The following MTF1 variants were observed in gnomAD, a reference collection of about 807,000 sequenced individuals.
The protein encoded by MTF1 is MRE-binding transcription factor.
A neutral mutation model predicts 70.4 loss-of-function variants in MTF1; 22 were observed. The observed-to-expected ratio is 0.31, with a 90% CI of 0.22 to 0.45. The LOEUF (loss-of-function observed/expected upper bound fraction) is 0.45, where lower values mean the gene tolerates loss of function less well. Ranked by LOEUF, MTF1 falls within the 20% of genes least tolerant of loss-of-function variation. The pLI, the probability that MTF1 is intolerant of heterozygous loss-of-function variation, is 1.00. For synonymous variants in MTF1, 333 were observed against 352.8 expected (o/e 0.94, Z 0.63); for missense variants, 649 against 922.0 (o/e 0.70, Z 3.83).
chr1:37,822,101 T>G lies in MTF1; in HGVS notation c.1767+20A>C. 2 of 1,547,750 alleles carry G rather than the reference T, an allele frequency of 1.3e-6. No homozygotes were observed. The highest frequency in any genetic ancestry group is 1.8e-6 in the Non-Finnish European group (2 of 1,138,060). ...TAAATACACTTCACCCCACTGGGTA[T>G]ATTCATACATAATACTTACAATTTG... On this transcript the variant is annotated intron_variant, in intron 9 of 10. Transcript: ENST00000373036.
intron 2 of MTF1, among the ~76,000 whole-genome samples, chr1:37,854,885 C>T (rs922843625): frequency 6.6e-6 from 1 of 152,242 alleles, no homozygotes; most frequent in East Asian, 1.9e-4. Context: ...CATGGAGAAA[C>T]CCTGTCTCTA....
In MTF1 at chr1:37,822,708, T is replaced by C; in HGVS notation, c.1180A>G (p.Thr394Ala). 6.2e-7 allele frequency: 1 copy of C among 1,606,920 alleles called. No homozygotes were observed. Among genetic ancestry groups the C allele is most frequent in the African/African-American group, 1.3e-5 (1 of 74,842 alleles). Reference sequence around the variant, plus strand: ...TCTGCATCACCATTAAAACTTTCAGTCAAGGAAGCTGGCAAGAAAAAGAAA... The same window carrying C: ...TCTGCATCACCATTAAAACTTTCAGCCAAGGAAGCTGGCAAGAAAAAGAAA... ...QEDPQQTASL[T>A]ESFNGDAESV... The change falls in exon 9 of 11, where the codon ACT becomes GCT. Residue 394 changes from threonine (T) to alanine (A), a missense_variant. By Grantham distance (58) the Thr-to-Ala change is moderately conservative. Coordinates refer to ENST00000373036, the MANE Select transcript of MTF1 (RefSeq NM_005955.3).
chr1:37,833,916 T>A (rs1416751422), intron 6 of MTF1, among the ~76,000 whole-genome samples: 1 of 151,978 alleles, frequency 6.6e-6, no homozygotes, highest in Non-Finnish European at 1.5e-5. Flanking sequence ...AAGAGGACCA[T>A]ATGGCTGAAG....
chr1:37,853,833 T>C (rs963176821), intron 2 of MTF1, among the ~76,000 whole-genome samples: 3 of 152,226 alleles, frequency 2.0e-5, no homozygotes, highest in Admixed American at 1.3e-4. Flanking sequence ...GCTATGATTA[T>C]TGGTGTAAAC....
intron 7 of MTF1, among the ~76,000 whole-genome samples, chr1:37,826,338 G>C (rs1311103482): frequency 2.0e-5 from 3 of 152,100 alleles, no homozygotes; most frequent in Non-Finnish European, 4.4e-5. Context: ...CCAGGCGGGA[G>C]TGCAGAGGCG....
At chr1:37,838,371 A>G (rs1173541757) in intron 4 of MTF1, among the ~76,000 whole-genome samples, 1 of 152,188 alleles carries the variant, frequency 6.6e-6, no homozygotes, top group Non-Finnish European at 1.5e-5. Flanking sequence ...ACTGAGTTTC[A>G]ACAAATGCTT....
chr1:37,818,988 G>A (rs1175257627), intron 9 of MTF1, among the ~76,000 whole-genome samples: 6 of 140,716 alleles, frequency 4.3e-5, no homozygotes, highest in Admixed American at 3.7e-4. Flanking sequence ...GTGAGACTCC[G>A]TGTCAAAACA....
In MTF1 at chr1:37,809,850, A is replaced by G. The variant is rs1640675431; in HGVS notation, c.*5286T>C. ...TCCGTTGTTCCCATGTTTCACACTT[A>G]CTTTTACATAATCCAAATAAAACTA... On this transcript the variant is annotated 3_prime_UTR_variant, in exon 11 of 11. Coordinates refer to ENST00000373036, the MANE Select transcript of MTF1 (RefSeq NM_005955.3). 6.6e-6 allele frequency: 1 copy of G among 152,560 alleles called. No individual in the cohort carries two copies. The highest frequency in any genetic ancestry group is 2.4e-5 in the African/African-American group (1 of 41,418). 9.5% of individuals were successfully genotyped at this position (152,560 alleles called of 1,614,324 possible). A position where few individuals can be genotyped will look rare whatever the true frequency, so the allele number is the denominator to read the frequency against.
Position 37,817,492 on chromosome 1 carries a change from G to A in MTF1, c.1768-10C>T. On this transcript the variant is annotated splice_polypyrimidine_tract_variant and intron_variant, in intron 9 of 10. Coordinates refer to ENST00000373036, the MANE Select transcript of MTF1 (RefSeq NM_005955.3). The stretch of plus-strand genomic sequence containing the variant: ...CTTTAGATGCTTGCTGCTGAAAAAA[G>A]AAAAAGAAATCTCATTTATAGCCAC... The A allele has an allele frequency of 6.2e-7, 1 of 1,605,290 alleles. No individual in the cohort carries two copies. Among genetic ancestry groups the A allele is most frequent in the Non-Finnish European group, 8.5e-7 (1 of 1,172,174 alleles).
rs767252868 is a variant in MTF1, at chr1:37,832,301, G to C, written c.1012C>G (p.Leu338Val). ...GTGGACAGAAGGCTCAAGTCACTTA[G>C]ACAAAGTGAGTGATTTGTATCCTGT... ...GSEDTNHSLC[L>V]SDLSLLSTDS... The change falls in exon 7 of 11, where the codon CTA becomes GTA. Residue 338 changes from leucine (L) to valine (V), a missense_variant. Leu to Val is a conservative substitution (Grantham distance 32). Around this residue, in one of 7 missense-constraint regions of MTF1, gnomAD observed 267 missense variants for 292.1 expected, o/e 0.91. Coordinates refer to ENST00000373036, the MANE Select transcript of MTF1 (RefSeq NM_005955.3). 1.9e-6 allele frequency: 3 copies of C among 1,612,986 alleles called. No individual in the cohort carries two copies. Among genetic ancestry groups the C allele is most frequent in the Admixed American group, 3.3e-5 (2 of 59,928 alleles).
At position 37,839,958 on chromosome 1, in the gene MTF1, G is replaced by A. The variant is rs1026097146; in HGVS notation, c.609C>T (p.Asp203=). Residue 203 remains aspartate (D), a synonymous_variant, in exon 3 of 11, where the codon GAC becomes GAT. Coordinates refer to ENST00000373036, the MANE Select transcript of MTF1 (RefSeq NM_005955.3). The part of the protein sequence containing the change: ...VHTKEKPFEC[D]VQGCEKAFNT... ...TGAATGCCTTCTCACAGCCCTGCAC[G>A]TCACACTCAAATGGCTTCTCCTTCG... The A allele has an allele frequency of 1.5e-5, 24 of 1,614,214 alleles. No individual in the cohort carries two copies. The highest frequency in any genetic ancestry group is 4.4e-5 in the South Asian group (4 of 91,088).
intron 9 of MTF1, among the ~76,000 whole-genome samples, chr1:37,818,980 G>C (rs1000459602): frequency 3.8e-4 from 57 of 148,678 alleles, no homozygotes; most frequent in Non-Finnish European, 6.5e-4. Context: ...ACAACAGAGT[G>C]AGACTCCGTG....
chr1:37,845,278 A>G (rs1382920331), intron 2 of MTF1, among the ~76,000 whole-genome samples: 4 of 152,264 alleles, frequency 2.6e-5, no homozygotes, highest in African/African-American at 9.6e-5. Flanking sequence ...TGTAACACAG[A>G]TGATTGATAA....
chr1:37,816,825 A>C (rs112283248), intron 10 of MTF1, among the ~76,000 whole-genome samples: 1 of 152,170 alleles, frequency 6.6e-6, no homozygotes, highest in African/African-American at 2.4e-5. Flanking sequence ...TCGTGCCACC[A>C]TACTGCAGCC....
intron 2 of MTF1, among the ~76,000 whole-genome samples, chr1:37,849,784 G>A (rs1274864826): frequency 1.3e-5 from 2 of 152,150 alleles, no homozygotes; most frequent in African/African-American, 2.4e-5. Flanking sequence ...CAGCTCAGGA[G>A]GCTAAGGAGG....
chr1:37,845,621 C>T (rs1471845102), intron 2 of MTF1, among the ~76,000 whole-genome samples: 1 of 152,154 alleles, frequency 6.6e-6, no homozygotes, highest in Non-Finnish European at 1.5e-5. Context: ...CAGTCTATTT[C>T]AGCCTCTTGA....
intron 2 of MTF1, among the ~76,000 whole-genome samples, chr1:37,846,288 C>T (rs1260874522): frequency 1.3e-5 from 2 of 150,748 alleles, no homozygotes; most frequent in African/African-American, 2.4e-5. Flanking sequence ...ACCAAAGAAA[C>T]ATGTAACAGA....
chr1:37,823,441 CA>C (rs35582059), intron 8 of MTF1, among the ~76,000 whole-genome samples: 133,109 of 147,138 alleles, frequency 0.9, 60,925 homozygotes, highest in Non-Finnish European at 0.98. Flanking sequence ...GACGCTGTCT[CA>C]AAAAAAAAAA....
chr1:37,823,192 T>A (rs1374070381), intron 8 of MTF1, among the ~76,000 whole-genome samples: 2 of 152,052 alleles, frequency 1.3e-5, no homozygotes. Flanking sequence ...TCTTAGAACT[T>A]TGGGAGGCTG....
Sources: allele counts gnomAD v4.1 joint callset (sites outside exome capture counted in the v4.1 genomes callset), GRCh38; gene constraint gnomAD v4.1.1; regional missense constraint gnomAD v4.1.1; transcripts MANE v1.5; gene names NCBI Gene and HGNC (gene_info 2026-07-23, HGNC 2026-07-21).